DRC9: variants seen among roughly 807,000 people sequenced by gnomAD.
DRC9 encodes the protein dynein regulatory complex subunit 9.
the DRC9 span, among the ~76,000 whole-genome samples, chr3:197,941,235 CCT>C: frequency 2.4e-4 from 31 of 130,496 alleles, no homozygotes; most frequent in African/African-American, 8.7e-4. Context: ...CCTTCCCTTC[CCT>C]CTCCCTGCCC....
the DRC9 span, among the ~76,000 whole-genome samples, chr3:197,893,859 AAAAG>A: frequency 2.0e-5 from 3 of 151,200 alleles, no homozygotes; most frequent in Non-Finnish European, 2.9e-5. Context: ...AAAAAAAAGA[AAAAG>A]AAAGAAAAGC....
chr3:197,935,973 C>T, the DRC9 span, among the ~76,000 whole-genome samples: 1 of 151,838 alleles, frequency 6.6e-6, no homozygotes, highest in Admixed American at 6.6e-5. Flanking sequence ...TGTGGCCTGG[C>T]GCGGTGGCTC....
At chr3:197,947,643 T>C in the DRC9 span, among the ~76,000 whole-genome samples, 1 of 152,220 alleles carries the variant, frequency 6.6e-6, no homozygotes, top group Non-Finnish European at 1.5e-5. Flanking sequence ...GTCATTTTTC[T>C]AGGTGAAATC....
the DRC9 span, among the ~76,000 whole-genome samples, chr3:197,923,488 G>C: frequency 1.8e-4 from 27 of 152,218 alleles, no homozygotes; most frequent in South Asian, 4.1e-4. Flanking sequence ...TAGCGTTATG[G>C]GGGGGCCAAG....
At chr3:197,945,895 G>T in the DRC9 span, among the ~76,000 whole-genome samples, 1 of 152,276 alleles carries the variant, frequency 6.6e-6, no homozygotes, top group South Asian at 2.1e-4. Flanking sequence ...AGTTATTACT[G>T]CTCTACCAAA....
the DRC9 span, among the ~76,000 whole-genome samples, chr3:197,902,125 A>C: frequency 6.6e-6 from 1 of 152,224 alleles, no homozygotes; most frequent in Non-Finnish European, 1.5e-5. Flanking sequence ...CACCAAGGTG[A>C]TACCTCTACA....
chr3:197,950,417 G>T, the DRC9 span: 418 of 948,600 alleles, frequency 4.4e-4, no homozygotes, highest in African/African-American at 6.5e-3. Flanking sequence ...GAGAACGGCT[G>T]CCCGGGTTAT....
chr3:197,955,387 T>C, the DRC9 span, among the ~76,000 whole-genome samples: 1 of 146,734 alleles, frequency 6.8e-6, no homozygotes, highest in Non-Finnish European at 1.5e-5. Context: ...CTCAGCCTCC[T>C]GCGTAGCTGG....
chr3:197,895,711 A>C, the DRC9 span, among the ~76,000 whole-genome samples: 1 of 152,108 alleles, frequency 6.6e-6, no homozygotes. Context: ...CGTGGCTCAC[A>C]CTATAATCCC....
At chr3:197,915,103 G>A in the DRC9 span, among the ~76,000 whole-genome samples, 24 of 142,074 alleles carry the variant, frequency 1.7e-4, 3 homozygotes, top group South Asian at 5.6e-3. Context: ...GGTGGAGGTT[G>A]AAGTGAGCTG....
chr3:197,921,774 C>T, the DRC9 span, among the ~76,000 whole-genome samples: 2 of 137,816 alleles, frequency 1.5e-5, no homozygotes, highest in East Asian at 2.2e-4. Context: ...GGGATTTAAC[C>T]TGGTTTCATC....
At chr3:197,955,657 T>C in the DRC9 span, 2 of 1,114,978 alleles carry the variant, frequency 1.8e-6, no homozygotes, top group East Asian at 2.3e-5. Context: ...ATGTAATTGG[T>C]AGCCTTTCAG....
At chr3:197,950,426 A>T in the DRC9 span, 1 of 855,976 alleles carries the variant, frequency 1.2e-6, no homozygotes, top group Non-Finnish European at 1.5e-6. Context: ...TGCCCGGGTT[A>T]TCCCAGTTAA....
the DRC9 span, chr3:197,956,291 TG>T: frequency 6.2e-6 from 1 of 161,170 alleles, no homozygotes; most frequent in African/African-American, 2.4e-5. Context: ...CAATGCAGAT[TG>T]GGAAACTTAA....
the DRC9 span, chr3:197,949,974 C>T: frequency 4.3e-5 from 21 of 485,002 alleles, no homozygotes; most frequent in Non-Finnish European, 6.2e-5. Context: ...AGCTGGCTAC[C>T]ATTTTGCCTT....
At chr3:197,952,162 GTTTTTTTTTTTTT>G in the DRC9 span, among the ~76,000 whole-genome samples, 26 of 83,890 alleles carry the variant, frequency 3.1e-4, no homozygotes, top group Middle Eastern at 6.7e-3. Context: ...AAAATTATGG[GTTTTTTTTTTTTT>G]TTTTTTTTTT....
chr3:197,947,343 A>C, the DRC9 span, among the ~76,000 whole-genome samples: 1 of 152,180 alleles, frequency 6.6e-6, no homozygotes, highest in Non-Finnish European at 1.5e-5. Context: ...GTCCTTCCCT[A>C]GAACCCTTCA....
the DRC9 span, chr3:197,912,860 G>C: frequency 1.2e-6 from 1 of 848,448 alleles, no homozygotes. Flanking sequence ...TTACCAGCTG[G>C]GATCCCGGGC....
At chr3:197,950,598 T>TA in the DRC9 span, 4 of 384,182 alleles carry the variant, frequency 1.0e-5, no homozygotes, top group African/African-American at 2.0e-5. Context: ...ATAAAAGTCT[T>TA]ACGTGTGTGT....
Sources: allele counts gnomAD v4.1 joint callset (sites outside exome capture counted in the v4.1 genomes callset), GRCh38; gene constraint gnomAD v4.1.1; transcripts MANE v1.5; gene names NCBI Gene and HGNC (gene_info 2026-07-23, HGNC 2026-07-21).